Variants in OPCML observed in about 807,000 individuals in gnomAD.
OPCML encodes the protein opioid-binding protein/cell adhesion molecule.
Under a neutral mutation model 37.8 loss-of-function variants are expected in OPCML, and 13 were observed. That is an observed-to-expected ratio of 0.34 (90% CI 0.22 to 0.55). The LOEUF (loss-of-function observed/expected upper bound fraction) is 0.55. Ranked by LOEUF, OPCML falls within the 20% of genes least tolerant of loss-of-function variation. The probability of loss-of-function intolerance (pLI) is 0.91; values close to 1 mark genes in which losing one functional copy is unlikely to be tolerated. For missense variants in OPCML, 341 were observed against 435.6 expected (o/e 0.78, Z 1.93); for synonymous variants, 176 against 168.8 (o/e 1.04, Z -0.33).
At chr11:133,242,061 CAT>C (rs1433028397) in intron 1 of OPCML, among the ~76,000 whole-genome samples, 2 of 152,196 alleles carry the variant, frequency 1.3e-5, no homozygotes, top group African/African-American at 4.8e-5. Context: ...ATGTTTATGA[CAT>C]ATGGCAGCTA....
intron 2 of OPCML, among the ~76,000 whole-genome samples, chr11:132,931,086 T>C (rs1017019836): frequency 1.3e-5 from 2 of 151,748 alleles, no homozygotes; most frequent in African/African-American, 2.4e-5. Flanking sequence ...TTTCAACAAA[T>C]GGTGTTGAAA....
intron 4 of OPCML, among the ~76,000 whole-genome samples, chr11:132,483,637 G>A (rs1360062653): frequency 6.6e-6 from 1 of 152,118 alleles, no homozygotes; most frequent in Admixed American, 6.5e-5. Flanking sequence ...GAACAAAGCT[G>A]GAGGCATCAC....
At chr11:132,603,739 T>A (rs540671637) in intron 3 of OPCML, among the ~76,000 whole-genome samples, 1 of 152,320 alleles carries the variant, frequency 6.6e-6, no homozygotes, top group African/African-American at 2.4e-5. Flanking sequence ...AAAACTGTAT[T>A]CCTACCTGAT....
intron 2 of OPCML, among the ~76,000 whole-genome samples, chr11:132,844,583 A>C (rs1941440348): frequency 1.3e-5 from 2 of 152,230 alleles, no homozygotes. Context: ...TAATTAGTTC[A>C]GATGAGACAT....
At chr11:133,125,795 GTA>G (rs999407005) in intron 1 of OPCML, among the ~76,000 whole-genome samples, 3 of 141,102 alleles carry the variant, frequency 2.1e-5, no homozygotes, top group South Asian at 4.4e-4. Flanking sequence ...ATATATACAT[GTA>G]TATATAGACA....
At chr11:132,977,989 T>C (rs148269912) in intron 1 of OPCML, among the ~76,000 whole-genome samples, 21 of 152,056 alleles carry the variant, frequency 1.4e-4, no homozygotes, top group South Asian at 6.2e-4. Context: ...CTGTGGAAAA[T>C]GTAAGAGCTG....
At chr11:133,132,905 G>A (rs1357662697) in intron 1 of OPCML, among the ~76,000 whole-genome samples, 1 of 151,818 alleles carries the variant, frequency 6.6e-6, no homozygotes, top group Non-Finnish European at 1.5e-5. Context: ...GATACTCAGG[G>A]CCCAAAGATA....
intron 4 of OPCML, among the ~76,000 whole-genome samples, chr11:132,490,842 AG>A (rs1275892629): frequency 6.6e-6 from 1 of 151,896 alleles, no homozygotes; most frequent in Non-Finnish European, 1.5e-5. Flanking sequence ...AAAGAAATGA[AG>A]AACCTGTGTC....
At chr11:132,479,958 G>C (rs1236390018) in intron 4 of OPCML, among the ~76,000 whole-genome samples, 2 of 152,288 alleles carry the variant, frequency 1.3e-5, no homozygotes, top group African/African-American at 4.8e-5. Flanking sequence ...AAAAAGCAGA[G>C]CGCCTCTCCT....
rs141114857 is a variant in OPCML at position 132,768,192 on chromosome 11, T to C, written c.147-110873A>G. Reference sequence around the variant, plus strand: ...ACCTGCTTATTCTATTGGAGACGCGTAAAGGGCTTCTATTCATTGTTCTGA... The same window carrying C: ...ACCTGCTTATTCTATTGGAGACGCGCAAAGGGCTTCTATTCATTGTTCTGA... On this transcript the variant is annotated intron_variant, in intron 2 of 7. Coordinates refer to ENST00000524381, the MANE Select transcript of OPCML (RefSeq NM_001012393.5). Among the ~76,000 whole-genome samples the C allele has an allele frequency of 6.2e-3, 937 of 152,292 alleles. 8 individuals are homozygous for C. The highest frequency in any genetic ancestry group is 0.021 in the African/African-American group (880 of 41,576).
intron 2 of OPCML, among the ~76,000 whole-genome samples, chr11:132,757,811 A>C (rs879483367): frequency 9.2e-5 from 14 of 151,988 alleles, no homozygotes; most frequent in Non-Finnish European, 1.9e-4. Context: ...ATTAGATTCC[A>C]TTTGTCAATT....
chr11:133,410,700 G>A (rs1160823434), intron 1 of OPCML, among the ~76,000 whole-genome samples: 1 of 124,990 alleles, frequency 8.0e-6, no homozygotes, highest in African/African-American at 2.8e-5. Context: ...CAGCTCTTTT[G>A]ACGTTGCTGG....
At position 132,676,397 on chromosome 11, in the gene OPCML, C is replaced by A. The variant is rs546620593; in HGVS notation, c.147-19078G>T. 8.6e-5 allele frequency among the ~76,000 whole-genome samples: 13 copies of A among 151,606 alleles called. No homozygotes were observed. The East Asian group carries it at 2.3e-3, about 27-fold the overall frequency. On this transcript the variant is annotated intron_variant, in intron 2 of 7. Transcript: ENST00000524381. ...AGCAAATGGTTTCTTATATATAACA[C>A]CTAAAGTATAAGCAACAAATAAAAA...
chr11:132,925,527 G>C (rs2136606846), intron 2 of OPCML, among the ~76,000 whole-genome samples: 1 of 152,246 alleles, frequency 6.6e-6, no homozygotes, highest in Non-Finnish European at 1.5e-5. Context: ...GGCTTCTGGA[G>C]GTAAAACCCA....
chr11:132,425,430 CA>C (rs2095974805), intron 7 of OPCML, among the ~76,000 whole-genome samples: 1 of 152,152 alleles, frequency 6.6e-6, no homozygotes, highest in South Asian at 2.1e-4. Flanking sequence ...TATCCAATAG[CA>C]GGAAGACTTT....
intron 1 of OPCML, among the ~76,000 whole-genome samples, chr11:133,531,744 GGAGAGAGAGAGA>G (rs10567773): frequency 5.1e-5 from 7 of 137,148 alleles, no homozygotes; most frequent in African/African-American, 8.2e-5. Flanking sequence ...AGGTGGAGAG[GGAGAGAGAGAGA>G]GAGAGAGAGA....
At chr11:133,277,601 C>A (rs573541209) in intron 1 of OPCML, among the ~76,000 whole-genome samples, 1 of 151,968 alleles carries the variant, frequency 6.6e-6, no homozygotes, top group Admixed American at 6.6e-5. Context: ...TTAAGTTACG[C>A]GAGGCCAGGT....
In OPCML at chr11:132,791,229, ATCT is replaced by A. The variant is rs1362206174; in HGVS notation, c.147-133913_147-133911del. 2.0e-5 allele frequency among the ~76,000 whole-genome samples: 3 copies of A among 152,130 alleles called. No homozygotes were observed. The East Asian group carries it at 5.8e-4, about 29-fold the overall frequency. On this transcript the variant is annotated intron_variant, in intron 2 of 7. Coordinates refer to ENST00000524381, the MANE Select transcript of OPCML (RefSeq NM_001012393.5). The stretch of plus-strand genomic sequence containing the variant: ...GTTGCAGCTGGGGAAGACTTGCCAC[ATCT>A]TCTTTTGGCCACTTCACCTGAGTCT...
chr11:132,505,791 A>G (rs1317099441), intron 4 of OPCML, among the ~76,000 whole-genome samples: 2 of 152,182 alleles, frequency 1.3e-5, no homozygotes, highest in Non-Finnish European at 2.9e-5. Flanking sequence ...GATCTGAAGG[A>G]AACAGAAGAA....
Sources: allele counts gnomAD v4.1 joint callset (sites outside exome capture counted in the v4.1 genomes callset), GRCh38; gene constraint gnomAD v4.1.1; transcripts MANE v1.5; gene names NCBI Gene and HGNC (gene_info 2026-07-23, HGNC 2026-07-21).